The following NEK1 variants were observed in gnomAD, a reference collection of about 807,000 sequenced individuals.
NEK1 encodes the protein NIMA related kinase 1, also known as serine/threonine-protein kinase Nek1.
A neutral mutation model predicts 182.1 loss-of-function variants in NEK1; 137 were observed. The observed-to-expected ratio is 0.75, with a 90% CI of 0.65 to 0.87. NEK1 has a LOEUF of 0.87. NEK1 is among the 40% of genes least tolerant of loss of function. NEK1 has a pLI of 0.00. For synonymous variants in NEK1, 513 were observed against 492.2 expected (o/e 1.04, Z -0.56); for missense variants, 1,391 against 1,494.4 (o/e 0.93, Z 1.14).
chr4:169,404,988 C>T (rs1732338892), intron 32 of NEK1, among the ~76,000 whole-genome samples: 1 of 152,126 alleles, frequency 6.6e-6, no homozygotes, highest in South Asian at 2.1e-4. Context: ...CACACACACA[C>T]ATGAACAAAA....
chr4:169,419,572 A>C (rs1462314960), intron 31 of NEK1, among the ~76,000 whole-genome samples: 1 of 152,218 alleles, frequency 6.6e-6, no homozygotes, highest in Non-Finnish European at 1.5e-5. Context: ...GTGGTAGAAA[A>C]AATACCCGAC....
intron 10 of NEK1, among the ~76,000 whole-genome samples, chr4:169,581,414 G>A (rs2150054550): frequency 6.6e-6 from 1 of 152,028 alleles, no homozygotes; most frequent in East Asian, 1.9e-4. Context: ...CCACAGGCGT[G>A]TGTCACCATG....
chr4:169,414,476 G>T (rs917007872), intron 31 of NEK1, among the ~76,000 whole-genome samples: 1 of 152,090 alleles, frequency 6.6e-6, no homozygotes, highest in African/African-American at 2.4e-5. Context: ...GTTCATAATT[G>T]TAATTCATCA....
At chr4:169,405,005 G>A (rs146331624) in intron 32 of NEK1, among the ~76,000 whole-genome samples, 1 of 152,192 alleles carries the variant, frequency 6.6e-6, no homozygotes, top group East Asian at 1.9e-4. Context: ...AAAACTGGTC[G>A]ACCTGCTAAC....
intron 11 of NEK1, among the ~76,000 whole-genome samples, chr4:169,578,633 A>G (rs1255318247): frequency 6.6e-6 from 1 of 152,236 alleles, no homozygotes; most frequent in Non-Finnish European, 1.5e-5. Flanking sequence ...ATATCATCAC[A>G]GAAAAATATA....
intron 2 of NEK1, among the ~76,000 whole-genome samples, chr4:169,608,780 C>T (rs1159580739): frequency 1.3e-5 from 2 of 152,018 alleles, no homozygotes; most frequent in South Asian, 2.1e-4. Flanking sequence ...CAATTTTGGC[C>T]GGGCATGGTG....
chr4:169,435,025 TTTC>T (rs1157535547), intron 28 of NEK1, among the ~76,000 whole-genome samples: 1 of 152,212 alleles, frequency 6.6e-6, no homozygotes, highest in Non-Finnish European at 1.5e-5. Context: ...CTAACACTAT[TTTC>T]TTTTCTTTTT....
chr4:169,541,096 C>A (rs1759335204), intron 18 of NEK1, among the ~76,000 whole-genome samples: 1 of 151,844 alleles, frequency 6.6e-6, no homozygotes, highest in Non-Finnish European at 1.5e-5. Flanking sequence ...TGGAGATAAT[C>A]TGAGAAATAA....
chr4:169,465,551 A>C (rs1744768816), intron 26 of NEK1, among the ~76,000 whole-genome samples: 1 of 152,122 alleles, frequency 6.6e-6, no homozygotes. Context: ...TCAGTACATA[A>C]TGTATAAAGA....
At position 169,433,641 on chromosome 4, in the gene NEK1, A is replaced by G; in HGVS notation, c.2789T>C (p.Ile930Thr). ...GTTTGTTCCACTTGGCTCTTGTAGA[A>G]TTTCTGTTTCCAAATCATCAGGTTC... ...LEEPDDLETE[I>T]LQEPSGTNKD... is the part of the protein sequence containing the mutation. The change falls in exon 29 of 36, where the codon ATT becomes ACT. Residue 930 changes from isoleucine to threonine, a missense_variant. By Grantham distance (89) the Ile-to-Thr change is moderately conservative. This residue lies in a region of NEK1 where 1,216 missense variants were observed against 1,277.6 expected (regional missense o/e 0.95). Coordinates refer to ENST00000507142, the MANE Select transcript of NEK1 (RefSeq NM_001199397.3). 6.2e-7 allele frequency: 1 copy of G among 1,613,424 alleles called. No homozygotes were observed.
intron 27 of NEK1, among the ~76,000 whole-genome samples, chr4:169,454,389 C>G (rs188449961): frequency 1.3e-5 from 2 of 152,288 alleles, no homozygotes; most frequent in East Asian, 3.9e-4. Context: ...TCATAGTCAA[C>G]AGTCAACCTA....
intron 16 of NEK1, among the ~76,000 whole-genome samples, chr4:169,557,165 T>C (rs532255680): frequency 6.6e-6 from 1 of 151,764 alleles, no homozygotes; most frequent in East Asian, 1.9e-4. Flanking sequence ...TAGAAGGATG[T>C]TGCTGCCCTG....
At chr4:169,530,380 T>G (rs2149787346) in intron 19 of NEK1, among the ~76,000 whole-genome samples, 1 of 152,286 alleles carries the variant, frequency 6.6e-6, no homozygotes, top group East Asian at 1.9e-4. Context: ...GTACCTTAAG[T>G]ACCCATACAA....
rs185275399 is a variant in NEK1 at position 169,503,930 on chromosome 4, T to A, written c.2007+3107A>T. On this transcript the variant is annotated intron_variant, in intron 23 of 35. Coordinates refer to ENST00000507142, the MANE Select transcript of NEK1 (RefSeq NM_001199397.3). ...ACAGCAAAGGAAACTATCAACACAG[T>A]GAAGAGACAACCCACAGAATGGGAG... 2.3e-4 allele frequency among the ~76,000 whole-genome samples: 35 copies of A among 152,112 alleles called. No individual in the cohort carries two copies. The East Asian group carries it at 6.8e-3, about 29-fold the overall frequency.
At chr4:169,472,344 TC>T (rs1426864143) in intron 26 of NEK1, among the ~76,000 whole-genome samples, 1 of 152,050 alleles carries the variant, frequency 6.6e-6, no homozygotes, top group Non-Finnish European at 1.5e-5. Context: ...GATAGCACCG[TC>T]CCTCACGGCA....
At chr4:169,598,337 T>C (rs1769908697) in intron 5 of NEK1, among the ~76,000 whole-genome samples, 1 of 151,954 alleles carries the variant, frequency 6.6e-6, no homozygotes, top group Non-Finnish European at 1.5e-5. Context: ...AAGCGGGCAA[T>C]TAAAATTAAG....
chr4:169,598,939 T>C (rs192219586), intron 5 of NEK1, among the ~76,000 whole-genome samples, 161 bp downstream of exon 5: 51 of 152,282 alleles, frequency 3.3e-4, no homozygotes, highest in Admixed American at 2.9e-3. Context: ...TGAACAAAGG[T>C]GGCAGCTAAT....
intron 27 of NEK1, among the ~76,000 whole-genome samples, chr4:169,441,383 C>T (rs1739428007): frequency 6.6e-6 from 1 of 152,224 alleles, no homozygotes; most frequent in Non-Finnish European, 1.5e-5. Flanking sequence ...CGATCTGCCC[C>T]ATGCATCAGA....
chr4:169,541,255 T>G (rs1159732099), intron 18 of NEK1, among the ~76,000 whole-genome samples: 2 of 152,092 alleles, frequency 1.3e-5, no homozygotes. Flanking sequence ...TTTATCCAAA[T>G]TAAATGAAGC....
Sources: allele counts gnomAD v4.1 joint callset (sites outside exome capture counted in the v4.1 genomes callset), GRCh38; gene constraint gnomAD v4.1.1; regional missense constraint gnomAD v4.1.1; transcripts MANE v1.5; gene names NCBI Gene and HGNC (gene_info 2026-07-23, HGNC 2026-07-21).